The following GHR variants were observed in gnomAD, a reference collection of about 807,000 sequenced individuals.
GHR encodes GH receptor.
GHR carries 35 observed loss-of-function variants against 67.1 expected under a neutral mutation model. The observed-to-expected ratio is 0.52, with a 90% CI of 0.40 to 0.69. GHR has a LOEUF of 0.69. Ranked by LOEUF, GHR falls within the 30% of genes least tolerant of loss-of-function variation. The pLI is 0.00. For synonymous variants in GHR, 272 were observed against 269.1 expected, an observed-to-expected ratio of 1.01 and a Z score of -0.10; for missense variants, 792 against 764.6, an observed-to-expected ratio of 1.04 and a Z score of -0.42.
chr5:42,509,077 T>G (rs1281934088), intron 1 of GHR, among the ~76,000 whole-genome samples: 1 of 152,200 alleles, frequency 6.6e-6, no homozygotes, highest in Non-Finnish European at 1.5e-5. Context: ...CCTCACACCT[T>G]ATACACTTTA....
chr5:42,588,268 C>A (rs1171826755), intron 2 of GHR, among the ~76,000 whole-genome samples: 1 of 151,846 alleles, frequency 6.6e-6, no homozygotes, highest in Non-Finnish European at 1.5e-5. Flanking sequence ...GCCTGTAATC[C>A]CAGCGCTTTA....
rs1758876533 is a variant in GHR at position 42,719,001 on chromosome 5, T to C, written c.1494T>C (p.Ser498=). 6.2e-7 allele frequency: 1 copy of C among 1,608,446 alleles called. No homozygotes were observed. The highest frequency in any genetic ancestry group is 1.3e-5 in the African/African-American group (1 of 74,880). Residue 498 remains serine (S), a synonymous_variant, in exon 10 of 10, where the codon AGT becomes AGC. Transcript: ENST00000230882. ...TGAGCGACATTACACCAGCAGGTAG[T>C]GTGGTCCTTTCCCCGGGCCAAAAGA... The part of the protein sequence containing the change: ...AQVSDITPAG[S]VVLSPGQKNK...
intron 1 of GHR, among the ~76,000 whole-genome samples, chr5:42,536,932 T>A (rs1748282686): frequency 6.6e-6 from 1 of 152,144 alleles, no homozygotes; most frequent in Admixed American, 6.5e-5. Context: ...CTTCTAGGTT[T>A]TCTAGTTTAC....
chr5:42,510,696 A>C (rs1168944162), intron 1 of GHR, among the ~76,000 whole-genome samples: 1 of 152,222 alleles, frequency 6.6e-6, no homozygotes, highest in Non-Finnish European at 1.5e-5. Context: ...GCACAAAAAC[A>C]GTAGCATGGA....
At chr5:42,650,443 ATT>A (rs1754959356) in intron 3 of GHR, among the ~76,000 whole-genome samples, 1 of 152,002 alleles carries the variant, frequency 6.6e-6, no homozygotes, top group African/African-American at 2.4e-5. Context: ...AATAAGGCCC[ATT>A]TTCTTATGTA....
At chr5:42,579,140 T>TAGATATA in intron 2 of GHR, among the ~76,000 whole-genome samples, 1 of 59,926 alleles carries the variant, frequency 1.7e-5, no homozygotes, top group South Asian at 4.7e-4. Context: ...GATAGATAGA[T>TAGATATA]GATAGATAGA....
chr5:42,690,717 G>A (rs915134585), intron 4 of GHR, among the ~76,000 whole-genome samples: 2 of 152,134 alleles, frequency 1.3e-5, no homozygotes, highest in African/African-American at 4.8e-5. Flanking sequence ...TCTCTTGGAT[G>A]AAGTGAAGTG....
chr5:42,671,123 T>A (rs1248105977), intron 3 of GHR, among the ~76,000 whole-genome samples: 2 of 152,112 alleles, frequency 1.3e-5, no homozygotes, highest in Admixed American at 6.5e-5. Flanking sequence ...TATTAAAAAA[T>A]ACCCAAGACT....
chr5:42,548,350 C>T, intron 1 of GHR: 1 of 985,354 alleles, frequency 1.0e-6, no homozygotes, highest in Non-Finnish European at 1.2e-6. Context: ...CAAGAAACTT[C>T]TGTGGGATCC....
chr5:42,465,433 C>T, intron 1 of GHR: 1 of 1,565,942 alleles, frequency 6.4e-7, no homozygotes. Context: ...GAATAGCCTT[C>T]CACTCATCCA....
chr5:42,492,475 T>C (rs1746156160), intron 1 of GHR, among the ~76,000 whole-genome samples: 1 of 152,222 alleles, frequency 6.6e-6, no homozygotes, highest in African/African-American at 2.4e-5. Flanking sequence ...GCTGTTTTTC[T>C]ATAGGCAGCT....
intron 7 of GHR, among the ~76,000 whole-genome samples, chr5:42,712,396 A>G (rs1758507146): frequency 6.6e-6 from 1 of 151,598 alleles, no homozygotes. Flanking sequence ...TATATTTTTT[A>G]AACTGCCTTT....
intron 1 of GHR, among the ~76,000 whole-genome samples, chr5:42,476,630 T>G (rs1219493030): frequency 6.6e-6 from 1 of 152,224 alleles, no homozygotes. Context: ...GGAAAATGAT[T>G]CTCCTTTTCC....
chr5:42,688,779 A>G, intron 3 of GHR, 111 bp from the exon 4 acceptor site: 1 of 1,015,602 alleles, frequency 9.8e-7, no homozygotes. Context: ...TAGACACGGA[A>G]TACACTGGCT....
chr5:42,619,790 A>C (rs1296260006), intron 2 of GHR: 1 of 152,172 alleles, frequency 6.6e-6, no homozygotes, highest in Non-Finnish European at 1.5e-5. Flanking sequence ...TTGCCCATAG[A>C]GGGAAAAATA....
chr5:42,698,823 C>G (rs1160657064), intron 5 of GHR, among the ~76,000 whole-genome samples: 1 of 152,030 alleles, frequency 6.6e-6, no homozygotes, highest in Non-Finnish European at 1.5e-5. Flanking sequence ...TTTCAAAACC[C>G]TCAGTAATGA....
intron 8 of GHR, among the ~76,000 whole-genome samples, chr5:42,715,592 T>TA (rs1758682736): frequency 6.6e-6 from 1 of 152,218 alleles, no homozygotes; most frequent in Admixed American, 6.5e-5. Flanking sequence ...TTTGAGCTGT[T>TA]ACCAATTGAG....
intron 1 of GHR, among the ~76,000 whole-genome samples, chr5:42,505,457 A>C (rs1746731769): frequency 6.6e-6 from 1 of 152,160 alleles, no homozygotes; most frequent in Non-Finnish European, 1.5e-5. Context: ...TGTTCAAAAA[A>C]AAAAATAGGT....
At chr5:42,585,053 C>T (rs1290674929) in intron 2 of GHR, among the ~76,000 whole-genome samples, 1 of 152,190 alleles carries the variant, frequency 6.6e-6, no homozygotes, top group Non-Finnish European at 1.5e-5. Flanking sequence ...CTCAATTGAG[C>T]AGGCTTGTCC....
Sources: gnomAD v4.1 joint callset for allele counts (sites outside exome capture counted in the v4.1 genomes callset) on GRCh38, gnomAD v4.1.1 for gene constraint, MANE v1.5 for transcripts, NCBI Gene and HGNC (gene_info 2026-07-23, HGNC 2026-07-21) for gene names.